The following WWOX variants were observed in gnomAD, a reference collection of about 807,000 sequenced individuals.
WWOX encodes WW domain containing oxidoreductase, also known as WW domain-containing oxidoreductase.
Under a neutral mutation model 46.2 loss-of-function variants are expected in WWOX, and 69 were observed. The observed-to-expected ratio is 1.49, with a 90% CI of 1.23 to 1.82. WWOX has a LOEUF of 1.82. Ranked by LOEUF, WWOX falls within the 40% of genes most tolerant of loss-of-function variation. The pLI is 0.00. For missense variants in WWOX, 919 were observed against 542.6 expected, an observed-to-expected ratio of 1.69 and a Z score of -6.89; for synonymous variants, 359 against 202.6, an observed-to-expected ratio of 1.77 and a Z score of -6.56.
intron 8 of WWOX, among the ~76,000 whole-genome samples, chr16:78,722,026 T>A (rs1157088619): frequency 6.6e-6 from 1 of 152,248 alleles, no homozygotes; most frequent in Admixed American, 6.5e-5. Flanking sequence ...TAGAAGGTGG[T>A]ATTTTGCATA....
Position 78,528,601 on chromosome 16 carries a change from A to G in WWOX, c.1056+95849A>G, listed in dbSNP as rs997882632. Among the ~76,000 whole-genome samples, 4 of 152,204 alleles carry G rather than the reference A, an allele frequency of 2.6e-5. 1 individual carries two copies. Among genetic ancestry groups the G allele is most frequent in the Non-Finnish European group, 2.9e-5 (2 of 68,036 alleles). On this transcript the variant is annotated intron_variant, in intron 8 of 8. Coordinates refer to ENST00000566780, the MANE Select transcript of WWOX (RefSeq NM_016373.4). ...GTACTAAGTCATCGTTATAATAAACACACAGTAAACCCATTTATCTCAGGC... is the reference window on the plus strand; with the variant it reads ...GTACTAAGTCATCGTTATAATAAACGCACAGTAAACCCATTTATCTCAGGC...
At chr16:78,379,872 C>T (rs2081916431) in intron 5 of WWOX, among the ~76,000 whole-genome samples, 1 of 152,152 alleles carries the variant, frequency 6.6e-6, no homozygotes, top group Non-Finnish European at 1.5e-5. Flanking sequence ...TTTTTCTCCT[C>T]CCATTATTGG....
At position 78,935,368 on chromosome 16, in the gene WWOX, T is replaced by C. The variant is rs151180610; in HGVS notation, c.1057-276240T>C. Among the ~76,000 whole-genome samples, 3 of 152,258 alleles carry C rather than the reference T, an allele frequency of 2.0e-5. No homozygotes were observed. In the East Asian group the frequency reaches 5.8e-4, roughly 29 times the overall value. ...TGGAACCAACTCAGATGTTCATCAA[T>C]GATAGACTGGATTAAGAAAATGTGG... On this transcript the variant is annotated intron_variant, in intron 8 of 8. Transcript: ENST00000566780.
rs189249024 is a variant in WWOX, at chr16:78,272,389, G to A, written c.516+108100G>A. On this transcript the variant is annotated intron_variant, in intron 5 of 8. Coordinates refer to ENST00000566780, the MANE Select transcript of WWOX (RefSeq NM_016373.4). ...GGGCCATCAGATTTCTTACATGGTG[G>A]CTCAGGGCTCCCAGAGGATTCCAAA... 2.0e-5 allele frequency among the ~76,000 whole-genome samples: 3 copies of A among 152,278 alleles called. No individual in the cohort carries two copies. The East Asian group carries it at 5.8e-4, about 29-fold the overall frequency.
At chr16:79,004,912 C>A (rs916135105) in intron 8 of WWOX, among the ~76,000 whole-genome samples, 1 of 152,050 alleles carries the variant, frequency 6.6e-6, no homozygotes, top group Admixed American at 6.5e-5. Flanking sequence ...CAGCTTAATT[C>A]TGGCCTTTAT....
chr16:78,393,446 C>T (rs754737793), intron 6 of WWOX, among the ~76,000 whole-genome samples: 16 of 151,878 alleles, frequency 1.1e-4, no homozygotes, highest in Non-Finnish European at 1.9e-4. Context: ...ATTGCTTAAG[C>T]CCAGAAACGT....
At chr16:78,704,479 A>C (rs2048291104) in intron 8 of WWOX, among the ~76,000 whole-genome samples, 1 of 152,096 alleles carries the variant, frequency 6.6e-6, no homozygotes, top group Admixed American at 6.5e-5. Context: ...ATCTTCAGTA[A>C]CTCATTAGGC....
At chr16:78,756,063 C>T (rs770116203) in intron 8 of WWOX, among the ~76,000 whole-genome samples, 17 of 152,130 alleles carry the variant, frequency 1.1e-4, no homozygotes, top group African/African-American at 2.7e-4. Context: ...GCTCAGAATT[C>T]ACCCCATCTT....
intron 8 of WWOX, among the ~76,000 whole-genome samples, chr16:79,126,375 A>T (rs1020065996): frequency 3.9e-5 from 6 of 152,138 alleles, no homozygotes; most frequent in Non-Finnish European, 8.8e-5. Context: ...CCACGTGTCA[A>T]AGGAGGGACC....
At chr16:78,394,911 G>T (rs955217499) in intron 6 of WWOX, among the ~76,000 whole-genome samples, 15 of 152,324 alleles carry the variant, frequency 9.8e-5, no homozygotes, top group African/African-American at 3.1e-4. Context: ...CTGGCTGTGT[G>T]GCTTTGGGCA....
intron 8 of WWOX, among the ~76,000 whole-genome samples, chr16:78,632,833 C>T (rs956305743): frequency 5.9e-5 from 9 of 152,064 alleles, no homozygotes; most frequent in African/African-American, 1.7e-4. Flanking sequence ...GCTGGGGTTG[C>T]AGCTGTGAGC....
At chr16:79,094,310 A>T (rs1038108982) in intron 8 of WWOX, among the ~76,000 whole-genome samples, 1 of 149,968 alleles carries the variant, frequency 6.7e-6, no homozygotes, top group South Asian at 2.1e-4. Context: ...CTGGAGTGCA[A>T]TGGCACGATC....
intron 8 of WWOX, among the ~76,000 whole-genome samples, chr16:78,824,631 C>T (rs143401631): frequency 6.2e-4 from 95 of 152,218 alleles, no homozygotes; most frequent in African/African-American, 1.7e-3. Flanking sequence ...ACTTCTTACA[C>T]GGCAGCGGCA....
intron 5 of WWOX, among the ~76,000 whole-genome samples, chr16:78,287,144 G>A (rs1019497838): frequency 2.0e-5 from 3 of 152,190 alleles, no homozygotes; most frequent in African/African-American, 7.2e-5. Flanking sequence ...GTCAGAACTG[G>A]CAATCAACGC....
chr16:78,534,776 C>T lies in WWOX; in HGVS notation c.1056+102024C>T, dbSNP rs535674003. 4.0e-3 allele frequency among the ~76,000 whole-genome samples: 611 copies of T among 152,108 alleles called. 1 individual carries two copies. The highest frequency in any genetic ancestry group is 7.2e-3 in the Non-Finnish European group (487 of 68,004). On this transcript the variant is annotated intron_variant, in intron 8 of 8. Coordinates refer to ENST00000566780, the MANE Select transcript of WWOX (RefSeq NM_016373.4). ...CCAGGCTGGAGTGCAGTGGCACAAT[C>T]TCAGCTCACTGCAACCTCCACCTCC...
At position 79,208,140 on chromosome 16, in the gene WWOX, T is replaced by C. The variant is rs143107772; in HGVS notation, c.1057-3468T>C. Among the ~76,000 whole-genome samples, 573 of 152,312 alleles carry C rather than the reference T, an allele frequency of 3.8e-3. 4 individuals are homozygous for C. The highest frequency in any genetic ancestry group is 0.013 in the African/African-American group (542 of 41,568). ...AATCCCAAACAAGAGTCCTGGGTAA[T>C]TTTACATATACTCTCAAGATTGATT... On this transcript the variant is annotated intron_variant, in intron 8 of 8. Coordinates refer to ENST00000566780, the MANE Select transcript of WWOX (RefSeq NM_016373.4).
At chr16:78,110,736 A>G (rs1267633068) in intron 3 of WWOX, among the ~76,000 whole-genome samples, 2 of 152,144 alleles carry the variant, frequency 1.3e-5, no homozygotes, top group Non-Finnish European at 2.9e-5. Flanking sequence ...TTGGATCCCC[A>G]CAGTGCCCTG....
chr16:78,277,528 G>A (rs1253883376), intron 5 of WWOX, among the ~76,000 whole-genome samples: 1 of 151,856 alleles, frequency 6.6e-6, no homozygotes, highest in African/African-American at 2.4e-5. Flanking sequence ...ATAGCATCTT[G>A]TAAATCAAAG....
chr16:78,636,155 A>T (rs2046563504), intron 8 of WWOX, among the ~76,000 whole-genome samples: 1 of 152,172 alleles, frequency 6.6e-6, no homozygotes, highest in Admixed American at 6.5e-5. Context: ...AATAAAAGGT[A>T]GTATATTATA....
Sources: gnomAD v4.1 joint callset for allele counts (sites outside exome capture counted in the v4.1 genomes callset) on GRCh38, gnomAD v4.1.1 for gene constraint, MANE v1.5 for transcripts, NCBI Gene and HGNC (gene_info 2026-07-23, HGNC 2026-07-21) for gene names.